Variants in CCDC179 observed in about 807,000 individuals in gnomAD.
CCDC179 encodes the protein coiled-coil domain-containing protein 179.
In CCDC179, 17 loss-of-function variants were observed where a neutral mutation model predicts 12.0. The ratio of observed to expected loss-of-function variants is 1.42; its 90% confidence interval spans 0.97 to 2.13. CCDC179 has a LOEUF of 2.13. CCDC179 is among the 30% of genes most tolerant of loss of function. The pLI is 0.00. For missense variants in CCDC179, 83 were observed against 78.6 expected, an observed-to-expected ratio of 1.06 and a Z score of -0.21; for synonymous variants, 27 against 26.4, an observed-to-expected ratio of 1.02 and a Z score of -0.07.
intron 2 of CCDC179, among the ~76,000 whole-genome samples, chr11:22,858,858 A>G (rs893785170): frequency 2.0e-5 from 3 of 152,116 alleles, no homozygotes; most frequent in African/African-American, 4.8e-5. Context: ...GAACTGTGAT[A>G]TGTTCCATGA....
At chr11:22,850,960 A>ATTTT (rs1564915042) in intron 3 of CCDC179, among the ~76,000 whole-genome samples, 1 of 6,714 alleles carries the variant, frequency 1.5e-4, no homozygotes, top group Non-Finnish European at 6.1e-4. Flanking sequence ...ATATATATAT[A>ATTTT]TATATATATA....
At chr11:22,851,746 A>G (rs985227234) in intron 3 of CCDC179, among the ~76,000 whole-genome samples, 8 of 152,208 alleles carry the variant, frequency 5.3e-5, no homozygotes, top group Admixed American at 2.0e-4. Flanking sequence ...TGCTAAGGCC[A>G]GTACCAGTGG....
At chr11:22,851,607 T>A (rs4429057) in intron 3 of CCDC179, among the ~76,000 whole-genome samples, 79,513 of 151,956 alleles carry the variant, frequency 0.52, 21,158 homozygotes, top group Middle Eastern at 0.7. Flanking sequence ...AGCAGAACAA[T>A]CTGAAAAGCA....
In CCDC179 at chr11:22,847,349, T is replaced by C. The variant is rs1034321191; in HGVS notation, c.*161A>G. ...TGGCATTTAATAAAATTCTAGAGCC[T>C]GTAGCTTGGATATTAAATACTTGCA... On this transcript the variant is annotated 3_prime_UTR_variant, in exon 4 of 4. Coordinates refer to ENST00000532798, the MANE Select transcript of CCDC179 (RefSeq NM_001195637.2). The C allele has an allele frequency of 2.5e-6, 1 of 399,056 alleles. No individual in the cohort carries two copies. The highest frequency in any genetic ancestry group is 4.4e-6 in the Non-Finnish European group (1 of 229,156). 24.7% of individuals were successfully genotyped at this position (399,056 alleles called of 1,614,324 possible). A position where few individuals can be genotyped will look rare whatever the true frequency, so the allele number is the denominator to read the frequency against.
chr11:22,860,384 AC>A lies in CCDC179; in HGVS notation c.37del (p.Val13SerfsTer30). The A allele has an allele frequency of 6.5e-7, 1 of 1,535,590 alleles. No individual in the cohort carries two copies. Among genetic ancestry groups the A allele is most frequent in the Non-Finnish European group, 8.7e-7 (1 of 1,146,654 alleles). On this transcript the variant is annotated frameshift_variant, in exon 1 of 4. Transcript: ENST00000532798. LOFTEE classifies it high-confidence loss of function. The part of the protein sequence containing the change: ...LYCWDIEPSQ[V>X]NPEGPRQHHP... ...AGGCCCCAGCAGACTCACAGGGTTG[AC>A]TTGGGAAGGCTCGATGTCCCAGCAA...
At chr11:22,848,792 T>C (rs1858297537) in intron 3 of CCDC179, among the ~76,000 whole-genome samples, 1 of 152,184 alleles carries the variant, frequency 6.6e-6, no homozygotes, top group African/African-American at 2.4e-5. Context: ...GCAGTGTTAC[T>C]CTGTGGTATG....
intron 3 of CCDC179, among the ~76,000 whole-genome samples, chr11:22,854,530 A>G (rs1858490972): frequency 1.3e-5 from 2 of 151,822 alleles, no homozygotes; most frequent in Non-Finnish European, 3.0e-5. Flanking sequence ...TATAGTTCAA[A>G]TGCAAAGGAA....
Position 22,859,516 on chromosome 11 carries a change from A to T in CCDC179, c.46-20T>A, listed in dbSNP as rs918493521. The T allele has an allele frequency of 4.0e-5, 57 of 1,428,624 alleles. No individual in the cohort carries two copies. Among genetic ancestry groups the T allele is most frequent in the Middle Eastern group, 2.0e-4 (1 of 5,052 alleles). The allele number at this position is 1,428,624 out of a possible 1,614,324, so 88.5% of individuals were successfully genotyped here. On this transcript the variant is annotated intron_variant, in intron 1 of 3. Coordinates refer to ENST00000532798, the MANE Select transcript of CCDC179 (RefSeq NM_001195637.2). ...TCCTTCCTATATAATAAACAAAATT[A>T]AAACACATTCACACAAAAAAGTCAT...
intron 3 of CCDC179, among the ~76,000 whole-genome samples, chr11:22,857,165 C>A (rs1176266011): frequency 2.0e-5 from 3 of 151,540 alleles, no homozygotes; most frequent in Non-Finnish European, 3.0e-5. Flanking sequence ...TTTCAACAAA[C>A]TGATTCTAAA....
intron 3 of CCDC179, among the ~76,000 whole-genome samples, chr11:22,855,975 C>T (rs1858520364): frequency 6.6e-6 from 1 of 151,282 alleles, no homozygotes; most frequent in African/African-American, 2.4e-5. Flanking sequence ...CTAAAATTCA[C>T]ACAAGACATA....
rs1245525400 is a variant in CCDC179, at chr11:22,850,967, TA to T, written c.196-3447del. On this transcript the variant is annotated intron_variant, in intron 3 of 3. Coordinates refer to ENST00000532798, the MANE Select transcript of CCDC179 (RefSeq NM_001195637.2). ...ATATATATATATATATATATATATATATATATATATTTTTTTTTTTTTTTTT... is the reference window on the plus strand; with the variant it reads ...ATATATATATATATATATATATATATTATATATATTTTTTTTTTTTTTTTT... Among the ~76,000 whole-genome samples, 76 of 24,874 alleles carry T rather than the reference TA, an allele frequency of 3.1e-3. 1 individual carries two copies. Among genetic ancestry groups the T allele is most frequent in the Non-Finnish European group, 3.6e-3 (46 of 12,746 alleles). 16.3% of individuals were successfully genotyped at this position (24,874 alleles called of 152,430 possible). A position where few individuals can be genotyped will look rare whatever the true frequency, so the allele number is the denominator to read the frequency against.
chr11:22,855,901 G>T (rs1158702901), intron 3 of CCDC179, among the ~76,000 whole-genome samples: 4 of 151,132 alleles, frequency 2.6e-5, no homozygotes, highest in African/African-American at 9.7e-5. Context: ...ATAACCAATA[G>T]CTCTATGCTC....
At chr11:22,850,278 C>G (rs1357609299) in intron 3 of CCDC179, among the ~76,000 whole-genome samples, 1 of 152,202 alleles carries the variant, frequency 6.6e-6, no homozygotes, top group African/African-American at 2.4e-5. Flanking sequence ...AAAACCTTAA[C>G]AAGGACTTCC....
intron 3 of CCDC179, among the ~76,000 whole-genome samples, chr11:22,852,838 C>T (rs1858440006): frequency 6.6e-6 from 1 of 152,208 alleles, no homozygotes; most frequent in Admixed American, 6.5e-5. Flanking sequence ...TAAATTGGCT[C>T]TATCTGGGTA....
intron 2 of CCDC179, among the ~76,000 whole-genome samples, chr11:22,858,421 A>G (rs565012494): frequency 2.8e-4 from 42 of 152,158 alleles, no homozygotes; most frequent in Admixed American, 7.2e-4. Flanking sequence ...CATGACACAC[A>G]TAGCTTTTTA....
At chr11:22,850,601 A>G (rs1858353913) in intron 3 of CCDC179, among the ~76,000 whole-genome samples, 1 of 151,620 alleles carries the variant, frequency 6.6e-6, no homozygotes, top group Non-Finnish European at 1.5e-5. Context: ...CTCTGGGTAG[A>G]TACCCAGTAG....
chr11:22,855,228 AC>A (rs1024913603), intron 3 of CCDC179, among the ~76,000 whole-genome samples: 3 of 151,714 alleles, frequency 2.0e-5, no homozygotes, highest in Middle Eastern at 6.3e-3. Flanking sequence ...ATTAATAGTT[AC>A]TTTAATAACA....
At chr11:22,849,040 G>T (rs975063391) in intron 3 of CCDC179, among the ~76,000 whole-genome samples, 23 of 152,188 alleles carry the variant, frequency 1.5e-4, no homozygotes, top group Admixed American at 2.0e-4. Flanking sequence ...GCTTAAATGG[G>T]AGATACTATA....
At chr11:22,852,670 C>G (rs1858435876) in intron 3 of CCDC179, among the ~76,000 whole-genome samples, 1 of 152,198 alleles carries the variant, frequency 6.6e-6, no homozygotes, top group Non-Finnish European at 1.5e-5. Flanking sequence ...AACCAGCAGC[C>G]CATTCCCATA....
Sources: allele counts gnomAD v4.1 joint callset (sites outside exome capture counted in the v4.1 genomes callset), GRCh38; gene constraint gnomAD v4.1.1; transcripts MANE v1.5; gene names NCBI Gene and HGNC (gene_info 2026-07-23, HGNC 2026-07-21).